SI: variants seen among roughly 807,000 people sequenced by gnomAD.
The protein encoded by SI is sucrase-isomaltase, also known as sucrase-isomaltase, intestinal.
A neutral mutation model predicts 253.3 loss-of-function variants in SI; 235 were observed. The observed-to-expected ratio is 0.93, with a 90% CI of 0.83 to 1.03. The LOEUF (loss-of-function observed/expected upper bound fraction) is 1.03, where lower values mean the gene tolerates loss of function less well. SI is among the 50% of genes least tolerant of loss of function. The pLI, the probability that SI is intolerant of heterozygous loss-of-function variation, is 0.00. For synonymous variants in SI, 819 were observed against 712.0 expected, an observed-to-expected ratio of 1.15 and a Z score of -2.39; for missense variants, 2,442 against 2,211.1, an observed-to-expected ratio of 1.10 and a Z score of -2.09.
chr3:165,081,579 G>C (rs542463093), upstream of SI, among the ~76,000 whole-genome samples: 24 of 151,970 alleles, frequency 1.6e-4, no homozygotes, highest in African/African-American at 5.3e-4. Flanking sequence ...TTGCCACCAG[G>C]ATGCAACAAA....
intron 7 of SI, 73 bp from the exon 8 acceptor site, chr3:165,063,614 C>T (rs938516924): frequency 3.7e-5 from 26 of 702,292 alleles, no homozygotes; most frequent in Non-Finnish European, 6.3e-5. Context: ...ATTTTATATG[C>T]TCTTCATGAA....
At position 165,039,991 on chromosome 3, in the gene SI, T is replaced by C; in HGVS notation, c.2160-20A>G. 6.4e-7 allele frequency: 1 copy of C among 1,572,834 alleles called. No homozygotes were observed. The highest frequency in any genetic ancestry group is 8.8e-7 in the Non-Finnish European group (1 of 1,142,710). On this transcript the variant is annotated intron_variant, in intron 18 of 47. Transcript: ENST00000264382. The stretch of plus-strand genomic sequence containing the variant: ...TAAAACCTAAGAACAATGACAATGT[T>C]TAAAGTATAATAATGAAAAAATAAG...
chr3:164,982,287 C>A lies in SI; in HGVS notation c.5371G>T (p.Gly1791Ter). Residue 1791 changes from glycine (G) to a stop codon, truncating the protein, a stop_gained, in exon 47 of 48, where the codon GGA becomes TGA. Transcript: ENST00000264382. LOFTEE classifies it low-confidence loss of function (END_TRUNC). ...PVNAVTLTYN[G>*]NKNSLPFNED... ...TTAAAAGGAAGCGAATTTTTATTTCCGTTATACGTTAGAGTAACTGCATTG... is the reference window on the plus strand; with the variant it reads ...TTAAAAGGAAGCGAATTTTTATTTCAGTTATACGTTAGAGTAACTGCATTG... 2 of 1,612,872 alleles carry A rather than the reference C, an allele frequency of 1.2e-6. No individual in the cohort carries two copies. Among genetic ancestry groups the A allele is most frequent in the Non-Finnish European group, 1.7e-6 (2 of 1,179,392 alleles).
chr3:165,017,186 T>C (rs1412636440), intron 31 of SI, among the ~76,000 whole-genome samples: 1 of 151,974 alleles, frequency 6.6e-6, no homozygotes, highest in Non-Finnish European at 1.5e-5. Flanking sequence ...CTCTGGTTGA[T>C]GATACAGATT....
intron 15 of SI, among the ~76,000 whole-genome samples, chr3:165,048,642 G>A (rs895355629): frequency 2.0e-5 from 3 of 150,780 alleles, no homozygotes; most frequent in African/African-American, 7.3e-5. Flanking sequence ...TTTGGAGACT[G>A]AGTCTAGCTC....
rs768164870 is a variant in SI, at chr3:164,982,211, G to C, written c.5415+32C>G. 4 of 1,574,496 alleles carry C rather than the reference G, an allele frequency of 2.5e-6. No individual in the cohort carries two copies. The East Asian group carries it at 9.0e-5, about 35-fold the overall frequency. Reference sequence around the variant, plus strand: ...CCATGTAGATGCTTTAAATACGTACGCTTTTGAAAAATATTTTCTTACATT... The same window carrying C: ...CCATGTAGATGCTTTAAATACGTACCCTTTTGAAAAATATTTTCTTACATT... On this transcript the variant is annotated intron_variant, in intron 47 of 47. Transcript: ENST00000264382.
In SI at chr3:165,018,025, A is replaced by G; in HGVS notation, c.3465T>C (p.Ala1155=). 6.2e-7 allele frequency: 1 copy of G among 1,611,622 alleles called. No homozygotes were observed. Among genetic ancestry groups the G allele is most frequent in the Non-Finnish European group, 8.5e-7 (1 of 1,177,938 alleles). ...CATGAGCATTGCCCTCCTCTTCCAG[A>G]GCCATGTAATAGGGATGAAATCCAT... ...NSYGFHPYYM[A]LEEEGNAHGV... Residue 1155 remains alanine, a synonymous_variant, in exon 29 of 48, where the codon GCT becomes GCC. Transcript: ENST00000264382.
chr3:165,026,096 A>G lies in SI; in HGVS notation c.2893-2320T>C, dbSNP rs576299694. 1.8e-4 allele frequency among the ~76,000 whole-genome samples: 27 copies of G among 151,410 alleles called. 1 individual carries two copies. In the South Asian group the frequency reaches 3.7e-3, roughly 21 times the overall value. On this transcript the variant is annotated intron_variant, in intron 25 of 47. Transcript: ENST00000264382. ...TCTGCTGCCTCCAAGAGACTCACCT[A>G]ACACATAAGGACTCACACAAACTCA...
intron 12 of SI, among the ~76,000 whole-genome samples, chr3:165,057,513 A>G (rs1713754736): frequency 6.6e-6 from 1 of 151,948 alleles, no homozygotes; most frequent in Non-Finnish European, 1.5e-5. Context: ...ATTTAACCCA[A>G]AAGAGACTAC....
Position 165,055,139 on chromosome 3 carries a change from G to A in SI, c.1512+55C>T. On this transcript the variant is annotated intron_variant, in intron 13 of 47. Transcript: ENST00000264382. ...TTTTGTTGACTTAGTAATTTTTACA[G>A]ATAAATAAGTCTATGGTCATTGACC... 4.0e-6 allele frequency: 4 copies of A among 1,008,882 alleles called. No individual in the cohort carries two copies. In the East Asian group the frequency reaches 9.6e-5, roughly 24 times the overall value. 62.5% of individuals were successfully genotyped at this position (1,008,882 alleles called of 1,614,324 possible). A position where few individuals can be genotyped will look rare whatever the true frequency, so the allele number is the denominator to read the frequency against.
chr3:164,994,375 A>G lies in SI; in HGVS notation c.4723T>C (p.Phe1575Leu). Residue 1575 changes from phenylalanine (F) to leucine (L), a missense_variant, in exon 41 of 48, where the codon TTT becomes CTT. By Grantham distance (22) the Phe-to-Leu change is conservative. Transcript: ENST00000264382. ...AGAATATTCCTTGACATTTCAGCAAAAGTTTCATTCCAGGAAGCGGGATCT... is the reference window on the plus strand; with the variant it reads ...AGAATATTCCTTGACATTTCAGCAAGAGTTTCATTCCAGGAAGCGGGATCT... ...RQDPASWNET[F>L]AEMSRNILNI... is the part of the protein sequence containing the mutation. The G allele has an allele frequency of 1.2e-6, 2 of 1,611,166 alleles. No individual in the cohort carries two copies. Among genetic ancestry groups the G allele is most frequent in the Non-Finnish European group, 1.7e-6 (2 of 1,177,900 alleles).
In SI at chr3:165,036,662, C is replaced by G. The variant is rs145469338; in HGVS notation, c.2427-185G>C. ...CGATACCAATGTTCTTATGTGAATACCGAAATAATTTATACATGTAGAAAA... is the reference window on the plus strand; with the variant it reads ...CGATACCAATGTTCTTATGTGAATAGCGAAATAATTTATACATGTAGAAAA... On this transcript the variant is annotated intron_variant, in intron 21 of 47. Transcript: ENST00000264382. Among the ~76,000 whole-genome samples, 33 of 151,250 alleles carry G rather than the reference C, an allele frequency of 2.2e-4. 1 individual carries two copies. In the East Asian group the frequency reaches 6.4e-3, roughly 29 times the overall value.
At chr3:165,020,972 G>A (rs1711577850) in intron 27 of SI, among the ~76,000 whole-genome samples, 1 of 151,610 alleles carries the variant, frequency 6.6e-6, no homozygotes, top group South Asian at 2.1e-4. Context: ...TTCTCAACTT[G>A]ATTAGAAGAA....
At chr3:165,033,608 T>C (rs558749464) in intron 22 of SI, among the ~76,000 whole-genome samples, 164 bp from the exon 23 acceptor site, 1 of 151,600 alleles carries the variant, frequency 6.6e-6, no homozygotes, top group Non-Finnish European at 1.5e-5. Context: ...GTCTCTAAAT[T>C]ATATAATAAT....
At chr3:165,036,857 C>T (rs1186545976) in intron 21 of SI, among the ~76,000 whole-genome samples, 2 of 150,630 alleles carry the variant, frequency 1.3e-5, no homozygotes, top group Non-Finnish European at 3.0e-5. Context: ...AAGTCTACAT[C>T]TTATGAGAAA....
chr3:165,020,245 C>T (rs1228610463), intron 27 of SI, among the ~76,000 whole-genome samples: 2 of 151,406 alleles, frequency 1.3e-5, no homozygotes, highest in African/African-American at 4.8e-5. Context: ...ATTACTACTC[C>T]CAATTGTGTT....
chr3:165,067,623 A>C, intron 5 of SI, 132 bp from the exon 6 acceptor site: 1 of 759,378 alleles, frequency 1.3e-6, no homozygotes. Context: ...GTATTAATTC[A>C]GAACCTTAAT....
At chr3:165,061,468 G>T (rs1713983074) in intron 9 of SI, among the ~76,000 whole-genome samples, 1 of 151,910 alleles carries the variant, frequency 6.6e-6, no homozygotes. Context: ...ATTAGACATT[G>T]TAAATGATTA....
intron 31 of SI, among the ~76,000 whole-genome samples, chr3:165,017,266 AC>A (rs1719081825): frequency 6.6e-6 from 1 of 151,948 alleles, no homozygotes; most frequent in East Asian, 1.9e-4. Flanking sequence ...TGCCTGTACA[AC>A]CCAGAGTTTG....
Sources: gnomAD v4.1 joint callset for allele counts (sites outside exome capture counted in the v4.1 genomes callset) on GRCh38, gnomAD v4.1.1 for gene constraint, MANE v1.5 for transcripts, NCBI Gene and HGNC (gene_info 2026-07-23, HGNC 2026-07-21) for gene names.